METTL15: variants seen among roughly 807,000 people sequenced by gnomAD.
The protein encoded by METTL15 is 12S rRNA N(4)-cytidine methyltransferase METTL15.
A neutral mutation model predicts 38.3 loss-of-function variants in METTL15; 34 were observed. The observed-to-expected ratio is 0.89, with a 90% CI of 0.68 to 1.18. The LOEUF (loss-of-function observed/expected upper bound fraction) is 1.18. Among genes scored for constraint, METTL15 ranks in the 50% most tolerant of loss-of-function variants. The pLI is 0.00. For synonymous variants in METTL15, 162 were observed against 170.9 expected (o/e 0.95, Z 0.41); for missense variants, 438 against 498.4 (o/e 0.88, Z 1.15).
chr11:28,412,505 A>G (rs572138728), intron 5 of METTL15, among the ~76,000 whole-genome samples: 9 of 152,146 alleles, frequency 5.9e-5, no homozygotes, highest in Middle Eastern at 6.8e-3. Context: ...GGTGATACAT[A>G]TATCACTTTC....
At chr11:28,154,991 A>G (rs1850214720) in intron 3 of METTL15, among the ~76,000 whole-genome samples, 1 of 152,180 alleles carries the variant, frequency 6.6e-6, no homozygotes, top group Admixed American at 6.5e-5. Context: ...AGAAACTACA[A>G]AAGATAGAAG....
chr11:28,400,730 G>C (rs1850623065), intron 5 of METTL15, among the ~76,000 whole-genome samples: 1 of 151,852 alleles, frequency 6.6e-6, no homozygotes, highest in South Asian at 2.1e-4. Flanking sequence ...CACTACTGTG[G>C]GTGGGCTTGG....
intron 4 of METTL15, among the ~76,000 whole-genome samples, chr11:28,271,780 G>T (rs1855649523): frequency 6.6e-6 from 1 of 152,052 alleles, no homozygotes; most frequent in Non-Finnish European, 1.5e-5. Context: ...AGAGTGAACA[G>T]GCAACCTACA....
At chr11:28,166,414 A>G (rs1340692855) in intron 3 of METTL15, among the ~76,000 whole-genome samples, 1 of 152,222 alleles carries the variant, frequency 6.6e-6, no homozygotes, top group Non-Finnish European at 1.5e-5. Flanking sequence ...CAATGTAGGT[A>G]CACAAGAAAT....
At chr11:28,411,167 A>G (rs757506610) in intron 5 of METTL15, among the ~76,000 whole-genome samples, 3 of 152,046 alleles carry the variant, frequency 2.0e-5, no homozygotes, top group Admixed American at 1.3e-4. Context: ...ATATATTCAT[A>G]CTACCCAAAG....
intron 6 of METTL15, among the ~76,000 whole-genome samples, chr11:28,482,590 A>G (rs769432645): frequency 1.2e-4 from 19 of 152,190 alleles, no homozygotes; most frequent in Non-Finnish European, 2.1e-4. Flanking sequence ...GTATTAGCTT[A>G]TTAGCTCCAC....
chr11:28,201,294 A>G lies in METTL15; in HGVS notation c.271-9768A>G, dbSNP rs145610157. Among the ~76,000 whole-genome samples, 1,393 of 152,244 alleles carry G rather than the reference A, an allele frequency of 9.1e-3. 10 individuals are homozygous for G. Among genetic ancestry groups the G allele is most frequent in the Non-Finnish European group, 0.014 (947 of 68,020 alleles). ...GGTGTGCTGCTGGATTTGGTTTGCCAGTATTTTATTGAGGATTTTAGCATC... is the reference window on the plus strand; with the variant it reads ...GGTGTGCTGCTGGATTTGGTTTGCCGGTATTTTATTGAGGATTTTAGCATC... On this transcript the variant is annotated intron_variant, in intron 3 of 6. Coordinates refer to ENST00000407364, the MANE Select transcript of METTL15 (RefSeq NM_001113528.2).
intron 3 of METTL15, among the ~76,000 whole-genome samples, chr11:28,123,122 T>C (rs533533727): frequency 8.4e-4 from 128 of 152,228 alleles, no homozygotes; most frequent in Non-Finnish European, 1.4e-3. Context: ...TCATTGTATA[T>C]GAGAAGCTCA....
At chr11:28,311,211 A>C (rs1216268189) in intron 6 of METTL15, among the ~76,000 whole-genome samples, 1 of 152,076 alleles carries the variant, frequency 6.6e-6, no homozygotes, top group Non-Finnish European at 1.5e-5. Flanking sequence ...AAAGTTATTT[A>C]ATCCTTTCTC....
chr11:28,508,665 T>A (rs1851649765), intron 6 of METTL15, among the ~76,000 whole-genome samples: 1 of 152,196 alleles, frequency 6.6e-6, no homozygotes. Flanking sequence ...GGCCACCAAC[T>A]AATAGGCTCT....
At chr11:28,506,904 C>G (rs770228587) in intron 6 of METTL15, among the ~76,000 whole-genome samples, 3 of 151,908 alleles carry the variant, frequency 2.0e-5, no homozygotes, top group African/African-American at 4.8e-5. Context: ...GCCACCATGC[C>G]TGGCTAATTT....
chr11:28,196,114 T>A (rs1437193330), intron 3 of METTL15, among the ~76,000 whole-genome samples: 3 of 152,120 alleles, frequency 2.0e-5, no homozygotes, highest in African/African-American at 7.2e-5. Flanking sequence ...CCTTATAATA[T>A]AATTGAAATT....
chr11:28,244,831 G>C (rs1291454961), intron 4 of METTL15, among the ~76,000 whole-genome samples: 1 of 152,178 alleles, frequency 6.6e-6, no homozygotes, highest in Non-Finnish European at 1.5e-5. Flanking sequence ...TGGGTCACCT[G>C]GCTGGGGCCG....
intron 3 of METTL15, among the ~76,000 whole-genome samples, chr11:28,157,166 G>A (rs1224183321): frequency 2.6e-5 from 4 of 152,104 alleles, no homozygotes; most frequent in Admixed American, 2.6e-4. Context: ...GCTGCATTTG[G>A]CCTCTCCTAC....
intron 4 of METTL15, among the ~76,000 whole-genome samples, chr11:28,267,758 T>C (rs1163396141): frequency 1.3e-5 from 2 of 152,198 alleles, no homozygotes; most frequent in Non-Finnish European, 2.9e-5. Context: ...CTGGTAAAAG[T>C]GGAACTGAGA....
intron 4 of METTL15, among the ~76,000 whole-genome samples, chr11:28,237,289 C>A (rs559924803): frequency 1.3e-5 from 2 of 152,212 alleles, no homozygotes; most frequent in Non-Finnish European, 2.9e-5. Context: ...TTCTTGGAGG[C>A]TTTGTTTGTT....
intron 6 of METTL15, among the ~76,000 whole-genome samples, chr11:28,496,476 G>C (rs1851536530): frequency 6.6e-6 from 1 of 152,184 alleles, no homozygotes; most frequent in Non-Finnish European, 1.5e-5. Context: ...GGAAACACAG[G>C]TGAATATCTT....
At position 28,264,166 on chromosome 11, in the gene METTL15, C is replaced by T. The variant is rs549848952; in HGVS notation, c.408-26040C>T. 2.0e-5 allele frequency among the ~76,000 whole-genome samples: 3 copies of T among 152,210 alleles called. No homozygotes were observed. In the South Asian group the frequency reaches 6.2e-4, roughly 32 times the overall value. On this transcript the variant is annotated intron_variant, in intron 4 of 6. Transcript: ENST00000407364. ...TGTGGAAAGAAAACTCTTTTAAAAA[C>T]ATGAAAGCATTTCGTTTGTCTTAAT...
chr11:28,530,543 G>A (rs1191471635), downstream of METTL15, among the ~76,000 whole-genome samples: 1 of 152,054 alleles, frequency 6.6e-6, no homozygotes, highest in Non-Finnish European at 1.5e-5. Context: ...GCCCTGCTTG[G>A]TAATATCTGC....
Sources: allele counts gnomAD v4.1 joint callset (sites outside exome capture counted in the v4.1 genomes callset), GRCh38; gene constraint gnomAD v4.1.1; transcripts MANE v1.5; gene names NCBI Gene and HGNC (gene_info 2026-07-23, HGNC 2026-07-21).